The following GRIK4 variants were observed in gnomAD, a reference collection of about 807,000 sequenced individuals.
GRIK4 encodes the protein glutamate receptor ionotropic, kainate 4.
A neutral mutation model predicts 104.9 loss-of-function variants in GRIK4; 40 were observed. That is an observed-to-expected ratio of 0.38 (90% CI 0.30 to 0.50). GRIK4 has a LOEUF of 0.50. Ranked by LOEUF, GRIK4 falls within the 20% of genes least tolerant of loss-of-function variation. The pLI, the probability that GRIK4 is intolerant of heterozygous loss-of-function variation, is 0.93. For synonymous variants in GRIK4, 485 were observed against 524.9 expected (o/e 0.92, Z 1.04); for missense variants, 1,047 against 1,308.1 (o/e 0.80, Z 3.08).
At chr11:120,766,724 G>T (rs1951846962) in intron 3 of GRIK4, among the ~76,000 whole-genome samples, 1 of 151,950 alleles carries the variant, frequency 6.6e-6, no homozygotes, top group South Asian at 2.1e-4. Context: ...CTGACCCTTT[G>T]CACTTCCTGG....
chr11:120,560,677 C>T (rs866222892), intron 1 of GRIK4, among the ~76,000 whole-genome samples: 12 of 152,182 alleles, frequency 7.9e-5, no homozygotes, highest in South Asian at 2.1e-4. Flanking sequence ...TTAGATCACT[C>T]GGTGCCTCAG....
rs538323603 is a variant in GRIK4 at position 120,565,690 on chromosome 11, G to T, written c.-159+53803G>T. Reference sequence around the variant, plus strand: ...GCAGCGCTCACGGTTAATGAGACCGGAGTAGAAATACAGGGTCTGGCTGCA... The same window carrying T: ...GCAGCGCTCACGGTTAATGAGACCGTAGTAGAAATACAGGGTCTGGCTGCA... On this transcript the variant is annotated intron_variant, in intron 1 of 20. Transcript: ENST00000527524. Among the ~76,000 whole-genome samples the T allele has an allele frequency of 2.0e-5, 3 of 152,304 alleles. No individual in the cohort carries two copies. In the South Asian group the frequency reaches 6.2e-4, roughly 32 times the overall value.
intron 11 of GRIK4, among the ~76,000 whole-genome samples, chr11:120,888,472 T>G (rs1955182445): frequency 6.6e-6 from 1 of 152,210 alleles, no homozygotes; most frequent in Admixed American, 6.5e-5. Context: ...ATATGGTAAG[T>G]GTTCAAAAGT....
chr11:120,604,815 C>G (rs1948937907), intron 1 of GRIK4, among the ~76,000 whole-genome samples: 2 of 152,198 alleles, frequency 1.3e-5, no homozygotes, highest in South Asian at 4.1e-4. Context: ...TATGGCCAGA[C>G]CTTGCCTCAG....
intron 3 of GRIK4, among the ~76,000 whole-genome samples, chr11:120,705,502 A>C (rs1272848509): frequency 6.6e-6 from 1 of 152,208 alleles, no homozygotes; most frequent in Non-Finnish European, 1.5e-5. Flanking sequence ...TTGGGATTAC[A>C]GGTGTGAGCC....
At position 120,516,895 on chromosome 11, in the gene GRIK4, A is replaced by G. The variant is rs554879010; in HGVS notation, c.-159+5008A>G. Among the ~76,000 whole-genome samples the G allele has an allele frequency of 9.9e-4, 151 of 152,128 alleles. 1 individual carries two copies. The highest frequency in any genetic ancestry group is 2.3e-3 in the South Asian group (11 of 4,806). The stretch of plus-strand genomic sequence containing the variant: ...TGTGCCTGAGGAGGAGCCTGGAGCC[A>G]TCGGGGCTCACCCTGGGCGGCGGCT... On this transcript the variant is annotated intron_variant, in intron 1 of 20. Transcript: ENST00000527524.
At chr11:120,829,498 G>A (rs745362803) in intron 6 of GRIK4, among the ~76,000 whole-genome samples, 5 of 152,158 alleles carry the variant, frequency 3.3e-5, no homozygotes, top group Non-Finnish European at 5.9e-5. Flanking sequence ...TATGTGACCC[G>A]TCTTCTCTGC....
intron 4 of GRIK4, among the ~76,000 whole-genome samples, chr11:120,812,694 G>A (rs977609230): frequency 3.9e-5 from 6 of 152,202 alleles, no homozygotes; most frequent in Admixed American, 2.6e-4. Flanking sequence ...AGACAGCCAT[G>A]CATCAGACTC....
chr11:120,881,917 G>T (rs932660562), intron 11 of GRIK4, among the ~76,000 whole-genome samples: 3 of 152,118 alleles, frequency 2.0e-5, no homozygotes, highest in Non-Finnish European at 2.9e-5. Flanking sequence ...TGTTGCTCTG[G>T]TGGGAATTTT....
intron 4 of GRIK4, 131 bp downstream of exon 4, chr11:120,802,988 A>G: frequency 2.4e-6 from 2 of 821,622 alleles, no homozygotes; most frequent in South Asian, 1.7e-5. Flanking sequence ...AAGGAGAGGA[A>G]CTTGAACCAG....
chr11:120,969,575 G>A (rs575800481), intron 19 of GRIK4, among the ~76,000 whole-genome samples: 15 of 152,234 alleles, frequency 9.9e-5, no homozygotes, highest in African/African-American at 2.9e-4. Flanking sequence ...TCCCCCAAAA[G>A]AAGACACATG....
chr11:120,639,457 C>T (rs1289722699), intron 1 of GRIK4, among the ~76,000 whole-genome samples: 1 of 152,174 alleles, frequency 6.6e-6, no homozygotes, highest in African/African-American at 2.4e-5. Flanking sequence ...TCCCTTGCTC[C>T]CTGCCTTTTC....
chr11:120,741,957 T>C (rs1191225793), intron 3 of GRIK4, among the ~76,000 whole-genome samples: 2 of 152,128 alleles, frequency 1.3e-5, no homozygotes, highest in Admixed American at 6.5e-5. Context: ...TGCAGCAATA[T>C]GGGGACACAG....
intron 1 of GRIK4, among the ~76,000 whole-genome samples, chr11:120,518,559 G>A (rs1266670310): frequency 1.3e-5 from 2 of 152,122 alleles, no homozygotes; most frequent in African/African-American, 2.4e-5. Flanking sequence ...GCAGTGTAAC[G>A]GGAGTGGCAG....
rs574510864 is a variant in GRIK4 at position 120,878,169 on chromosome 11, T to G, written c.1164+2926T>G. On this transcript the variant is annotated intron_variant, in intron 11 of 20. Coordinates refer to ENST00000527524, the MANE Select transcript of GRIK4 (RefSeq NM_014619.5). ...GGCATCCTCCACAGCGGCTGCAGTT[T>G]CTTTGGCAGCAGCACACATAAGCGG... is the stretch of plus-strand genomic sequence containing the variant. Among the ~76,000 whole-genome samples, 6 of 152,316 alleles carry G rather than the reference T, an allele frequency of 3.9e-5. No individual in the cohort carries two copies. The South Asian group carries it at 1.2e-3, about 32-fold the overall frequency.
intron 5 of GRIK4, among the ~76,000 whole-genome samples, chr11:120,818,222 G>T (rs1355023223): frequency 6.6e-6 from 1 of 152,202 alleles, no homozygotes; most frequent in Non-Finnish European, 1.5e-5. Context: ...AATGTGGTAG[G>T]CTAGAGGGTT....
rs1481244652 is a variant in GRIK4, at chr11:120,986,362, A to G, written c.*102A>G. Reference sequence around the variant, plus strand: ...CAGCCGGAACTTGTACAGCGTCGACACCTCTCCAGATTTCGGATCCAGTCA... The same window carrying G: ...CAGCCGGAACTTGTACAGCGTCGACGCCTCTCCAGATTTCGGATCCAGTCA... On this transcript the variant is annotated 3_prime_UTR_variant, in exon 21 of 21. Coordinates refer to ENST00000527524, the MANE Select transcript of GRIK4 (RefSeq NM_014619.5). The G allele has an allele frequency of 2.3e-6, 3 of 1,319,950 alleles. No homozygotes were observed. In the African/African-American group the frequency reaches 4.7e-5, roughly 21 times the overall value. The allele number at this position is 1,319,950 out of a possible 1,614,324, so 81.8% of individuals were successfully genotyped here. A position where few individuals can be genotyped will look rare whatever the true frequency, so the allele number is the denominator to read the frequency against.
intron 1 of GRIK4, among the ~76,000 whole-genome samples, chr11:120,623,782 T>G (rs996562614): frequency 2.6e-5 from 4 of 152,158 alleles, no homozygotes; most frequent in Non-Finnish European, 5.9e-5. Context: ...CAGGGTCACG[T>G]GTTCATCCAC....
At chr11:120,955,693 C>G (rs947413376) in intron 15 of GRIK4, among the ~76,000 whole-genome samples, 1 of 152,214 alleles carries the variant, frequency 6.6e-6, no homozygotes, top group African/African-American at 2.4e-5. Flanking sequence ...AGCAGCCCTT[C>G]TCAGCCCCAT....
Sources: gnomAD v4.1 joint callset for allele counts (sites outside exome capture counted in the v4.1 genomes callset) on GRCh38, gnomAD v4.1.1 for gene constraint, MANE v1.5 for transcripts, NCBI Gene and HGNC (gene_info 2026-07-23, HGNC 2026-07-21) for gene names.